Variants in ANKRD62 observed in about 807,000 individuals in gnomAD.
ANKRD62 encodes ankyrin repeat domain-containing protein 62.
Under a neutral mutation model 98.8 loss-of-function variants are expected in ANKRD62, and 61 were observed. The observed-to-expected ratio is 0.62, with a 90% CI of 0.50 to 0.76. The LOEUF (loss-of-function observed/expected upper bound fraction) is 0.76. Ranked by LOEUF, ANKRD62 falls within the 30% of genes least tolerant of loss-of-function variation. The pLI is 0.00. For synonymous variants in ANKRD62, 341 were observed against 367.9 expected, an observed-to-expected ratio of 0.93 and a Z score of 0.84; for missense variants, 933 against 1,082.9, an observed-to-expected ratio of 0.86 and a Z score of 1.94.
intron 6 of ANKRD62, chr18:12,102,322 A>C (rs1456953488): frequency 1.4e-6 from 1 of 706,858 alleles, no homozygotes; most frequent in African/African-American, 1.7e-5. Context: ...CTTGGTGACA[A>C]GCCAATGTAC....
chr18:12,160,782 GTTGT>G, the ANKRD62 span, among the ~76,000 whole-genome samples: 1 of 152,084 alleles, frequency 6.6e-6, no homozygotes, highest in Non-Finnish European at 1.5e-5. Flanking sequence ...TTATATGTAA[GTTGT>G]TTGTGGAGGT....
chr18:12,098,508 A>C (rs1022292359), intron 5 of ANKRD62: 1 of 152,244 alleles, frequency 6.6e-6, no homozygotes, highest in Non-Finnish European at 1.5e-5. Flanking sequence ...ATGTCACACT[A>C]ATCTGTGAAG....
chr18:12,151,251 G>A, the ANKRD62 span, among the ~76,000 whole-genome samples: 5 of 152,156 alleles, frequency 3.3e-5, no homozygotes, highest in East Asian at 9.6e-4. Context: ...TTCTGAATAT[G>A]TATGCATCCA....
chr18:12,134,021 CT>C (rs1910043316), downstream of ANKRD62, among the ~76,000 whole-genome samples: 2 of 152,240 alleles, frequency 1.3e-5, no homozygotes, highest in Admixed American at 1.3e-4. Context: ...ACATTCTCTC[CT>C]AGGGCAAAAG....
the ANKRD62 span, among the ~76,000 whole-genome samples, chr18:12,171,120 G>A: frequency 1.8e-4 from 28 of 152,200 alleles, no homozygotes; most frequent in East Asian, 4.2e-3. Flanking sequence ...TTTAATTGGA[G>A]CATTTAGCCC....
At chr18:12,145,360 C>T in the ANKRD62 span, among the ~76,000 whole-genome samples, 1,767 of 152,318 alleles carry the variant, frequency 0.012, 16 homozygotes, top group African/African-American at 0.019. Context: ...AGATGTCAGC[C>T]CATTTCTCCT....
Position 12,095,342 on chromosome 18 carries a change from A to G in ANKRD62, c.333+57A>G, listed in dbSNP as rs1374261394. 3 of 1,529,180 alleles carry G rather than the reference A, an allele frequency of 2.0e-6. No homozygotes were observed. The Admixed American group carries it at 5.9e-5, about 30-fold the overall frequency. 94.7% of individuals were successfully genotyped at this position (1,529,180 alleles called of 1,614,324 possible). ...TGGATTTAATTTAAATTCACAGAATAAAATTAATTCACCTCATTGAAATGT... is the reference window on the plus strand; with the variant it reads ...TGGATTTAATTTAAATTCACAGAATGAAATTAATTCACCTCATTGAAATGT... On this transcript the variant is annotated intron_variant, in intron 2 of 13. Coordinates refer to ENST00000587848, the MANE Select transcript of ANKRD62 (RefSeq NM_001277333.2).
chr18:12,114,056 T>A (rs1568062623), intron 8 of ANKRD62, among the ~76,000 whole-genome samples: 1 of 152,206 alleles, frequency 6.6e-6, no homozygotes, highest in Non-Finnish European at 1.5e-5. Context: ...AAACACCACA[T>A]GTTCTCTCTC....
At chr18:12,125,104 G>C (rs1286243136) in intron 12 of ANKRD62, among the ~76,000 whole-genome samples, 1 of 152,180 alleles carries the variant, frequency 6.6e-6, no homozygotes, top group East Asian at 1.9e-4. Context: ...TTAGATGTTA[G>C]TGTGTAAACC....
At chr18:12,179,627 A>G in the ANKRD62 span, among the ~76,000 whole-genome samples, 1 of 151,582 alleles carries the variant, frequency 6.6e-6, no homozygotes, top group Admixed American at 6.6e-5. Context: ...TGACCAAGCT[A>G]ACTGCTGCTG....
intron 6 of ANKRD62, 122 bp from the exon 7 acceptor site, chr18:12,103,036 T>G: frequency 1.4e-6 from 1 of 731,186 alleles, no homozygotes; most frequent in Non-Finnish European, 1.9e-6. Flanking sequence ...AAGATTAAGC[T>G]TCATTAAAAT....
At chr18:12,130,844 G>A (rs975955592), downstream of ANKRD62, among the ~76,000 whole-genome samples, 1 of 151,890 alleles carries the variant, frequency 6.6e-6, no homozygotes, top group Non-Finnish European at 1.5e-5. Flanking sequence ...GGTGCGTGCA[G>A]CCACACCAGG....
At chr18:12,174,035 C>T in the ANKRD62 span, among the ~76,000 whole-genome samples, 1 of 152,130 alleles carries the variant, frequency 6.6e-6, no homozygotes, top group Non-Finnish European at 1.5e-5. Flanking sequence ...TGAATGTTGG[C>T]TTCTCTAGCT....
the ANKRD62 span, among the ~76,000 whole-genome samples, chr18:12,175,444 G>A: frequency 4.6e-5 from 7 of 152,058 alleles, no homozygotes; most frequent in Admixed American, 1.3e-4. Flanking sequence ...CATGTGGGTC[G>A]GACAAGGAAA....
intron 10 of ANKRD62, among the ~76,000 whole-genome samples, chr18:12,116,784 CCAA>C (rs1221844188): frequency 2.0e-5 from 3 of 152,276 alleles, no homozygotes; most frequent in African/African-American, 7.2e-5. Context: ...TTAAAAATGT[CCAA>C]CGAGTGCTGG....
intron 6 of ANKRD62, chr18:12,102,296 G>A: frequency 1.4e-6 from 1 of 733,502 alleles, no homozygotes; most frequent in Non-Finnish European, 2.6e-6. Context: ...ACGCAACCTG[G>A]GAACCAGAAT....
At chr18:12,167,473 T>A in the ANKRD62 span, among the ~76,000 whole-genome samples, 1 of 152,224 alleles carries the variant, frequency 6.6e-6, no homozygotes, top group Non-Finnish European at 1.5e-5. Context: ...ACTCATCCTT[T>A]TTTATGGCTG....
the ANKRD62 span, among the ~76,000 whole-genome samples, chr18:12,168,137 A>G: frequency 6.6e-6 from 1 of 152,132 alleles, no homozygotes; most frequent in African/African-American, 2.4e-5. Flanking sequence ...TCTTTAGTTT[A>G]ATTAGATCCC....
chr18:12,165,415 T>C, the ANKRD62 span, among the ~76,000 whole-genome samples: 31 of 152,204 alleles, frequency 2.0e-4, no homozygotes, highest in African/African-American at 7.5e-4. Flanking sequence ...TTTTTTTGTG[T>C]GTGTATCCAT....
Sources: allele counts gnomAD v4.1 joint callset (sites outside exome capture counted in the v4.1 genomes callset), GRCh38; gene constraint gnomAD v4.1.1; transcripts MANE v1.5; gene names NCBI Gene and HGNC (gene_info 2026-07-23, HGNC 2026-07-21).